The following DDAH1 variants were observed in gnomAD, a reference collection of about 807,000 sequenced individuals.
DDAH1 encodes the protein N(G),N(G)-dimethylarginine dimethylaminohydrolase 1.
In DDAH1, 19 loss-of-function variants were observed where a neutral mutation model predicts 28.8. That is an observed-to-expected ratio of 0.66 (90% CI 0.46 to 0.97). The LOEUF (loss-of-function observed/expected upper bound fraction) is 0.97, where lower values mean the gene tolerates loss of function less well. Ranked by LOEUF, DDAH1 falls within the 50% of genes least tolerant of loss-of-function variation. The pLI, the probability that DDAH1 is intolerant of heterozygous loss-of-function variation, is 0.00. For synonymous variants in DDAH1, 153 were observed against 154.4 expected, an observed-to-expected ratio of 0.99 and a Z score of 0.07; for missense variants, 326 against 375.9, an observed-to-expected ratio of 0.87 and a Z score of 1.10.
chr1:85,457,118 T>G (rs1052233145), intron 1 of DDAH1, among the ~76,000 whole-genome samples: 3 of 152,214 alleles, frequency 2.0e-5, no homozygotes, highest in African/African-American at 7.2e-5. Context: ...TCTGTACCTG[T>G]TTCTTTTGGT....
At chr1:85,433,931 A>T (rs1171729593) in intron 1 of DDAH1, among the ~76,000 whole-genome samples, 2 of 152,178 alleles carry the variant, frequency 1.3e-5, no homozygotes, top group African/African-American at 4.8e-5. Flanking sequence ...ATCTTCAGGT[A>T]ATTATTTATG....
At chr1:85,447,281 T>A (rs1334305783) in intron 1 of DDAH1, among the ~76,000 whole-genome samples, 1 of 152,224 alleles carries the variant, frequency 6.6e-6, no homozygotes, top group Admixed American at 6.5e-5. Flanking sequence ...ATATATCACT[T>A]GGTTGCCTGC....
intron 1 of DDAH1, among the ~76,000 whole-genome samples, chr1:85,563,188 T>G (rs986002914): frequency 1.3e-5 from 2 of 152,106 alleles, no homozygotes; most frequent in Admixed American, 1.3e-4. Context: ...CTAGAGATAA[T>G]GGGCAGAGTG....
chr1:85,544,615 A>G (rs1658564513), intron 1 of DDAH1, among the ~76,000 whole-genome samples: 1 of 152,134 alleles, frequency 6.6e-6, no homozygotes, highest in African/African-American at 2.4e-5. Context: ...ACCTATCTTA[A>G]TCAGACTGAC....
chr1:85,554,014 C>T (rs189253358), intron 1 of DDAH1, among the ~76,000 whole-genome samples: 1 of 152,336 alleles, frequency 6.6e-6, no homozygotes, highest in Admixed American at 6.5e-5. Flanking sequence ...GCTGCTCACA[C>T]AATGTTACAT....
At chr1:85,463,598 G>A (rs534012412) in intron 1 of DDAH1, among the ~76,000 whole-genome samples, 1 of 152,206 alleles carries the variant, frequency 6.6e-6, no homozygotes, top group South Asian at 2.1e-4. Flanking sequence ...ATCTCGATGA[G>A]AAATTAGTAG....
intron 4 of DDAH1, among the ~76,000 whole-genome samples, chr1:85,343,063 A>G (rs1648605933): frequency 6.6e-6 from 1 of 152,202 alleles, no homozygotes; most frequent in South Asian, 2.1e-4. Context: ...CCAACAGATG[A>G]TTACCCCTAC....
intron 2 of DDAH1, among the ~76,000 whole-genome samples, chr1:85,484,398 AT>A (rs1656120981): frequency 6.6e-6 from 1 of 152,112 alleles, no homozygotes; most frequent in South Asian, 2.1e-4. Flanking sequence ...AAAGTGACAG[AT>A]AAGCGGTTTT....
At chr1:85,465,708 G>T (rs147463553), upstream of DDAH1, among the ~76,000 whole-genome samples, 1 of 152,148 alleles carries the variant, frequency 6.6e-6, no homozygotes, top group Non-Finnish European at 1.5e-5. Flanking sequence ...TCACAAAACA[G>T]CATTTGCATA....
chr1:85,380,812 C>G (rs1287972120), intron 1 of DDAH1, among the ~76,000 whole-genome samples: 5 of 152,072 alleles, frequency 3.3e-5, no homozygotes, highest in African/African-American at 1.2e-4. Flanking sequence ...TTAAAGGGTG[C>G]TATCTTAGAC....
At chr1:85,488,849 G>T (rs116334117) in intron 2 of DDAH1, among the ~76,000 whole-genome samples, 1 of 152,166 alleles carries the variant, frequency 6.6e-6, no homozygotes, top group Non-Finnish European at 1.5e-5. Context: ...AGTATTAAAA[G>T]TCAGGCAACA....
At chr1:85,445,082 T>G (rs1250610472) in intron 1 of DDAH1, among the ~76,000 whole-genome samples, 2 of 152,180 alleles carry the variant, frequency 1.3e-5, no homozygotes, top group African/African-American at 2.4e-5. Flanking sequence ...TCAGCCTGTT[T>G]ATATTCTAGC....
intron 1 of DDAH1, among the ~76,000 whole-genome samples, chr1:85,500,142 CTT>C (rs1340537289): frequency 0.038 from 1,761 of 46,934 alleles, 21 homozygotes; most frequent in South Asian, 0.084. Flanking sequence ...TTCTTTCTTT[CTT>C]TCTTTTCTTT....
intron 1 of DDAH1, among the ~76,000 whole-genome samples, chr1:85,459,751 G>A (rs936353235): frequency 3.9e-5 from 6 of 152,206 alleles, no homozygotes; most frequent in African/African-American, 7.2e-5. Flanking sequence ...ATACAATTAC[G>A]CACAAACTGT....
chr1:85,368,590 A>G (rs980714515), intron 1 of DDAH1, among the ~76,000 whole-genome samples: 1 of 152,184 alleles, frequency 6.6e-6, no homozygotes, highest in African/African-American at 2.4e-5. Flanking sequence ...ATAATGATAC[A>G]ATACATGTAT....
intron 1 of DDAH1, among the ~76,000 whole-genome samples, chr1:85,388,218 T>C (rs775816962): frequency 4.6e-5 from 7 of 152,204 alleles, no homozygotes; most frequent in Non-Finnish European, 8.8e-5. Flanking sequence ...GAGATCACAA[T>C]TGTGACTATC....
chr1:85,429,178 C>T lies in DDAH1; in HGVS notation c.303+35565G>A, dbSNP rs889372781. ...TATCCCTCCCCTAGCCTCCCACCCC[C>T]CAGCAGGCCCCTGTGTGTGATGTTC... On this transcript the variant is annotated intron_variant, in intron 1 of 5. Transcript: ENST00000284031. Among the ~76,000 whole-genome samples, 7 of 151,844 alleles carry T rather than the reference C, an allele frequency of 4.6e-5. 2 individuals are homozygous for T. The South Asian group carries it at 1.5e-3, about 32-fold the overall frequency.
intron 1 of DDAH1, among the ~76,000 whole-genome samples, chr1:85,543,548 G>A (rs1324528418): frequency 1.3e-5 from 2 of 152,138 alleles, no homozygotes; most frequent in South Asian, 2.1e-4. Flanking sequence ...TTTCCGCAAT[G>A]GTTTAGACAG....
chr1:85,404,292 T>C, intron 1 of DDAH1: 1 of 1,315,556 alleles, frequency 7.6e-7, no homozygotes, highest in African/African-American at 1.5e-5. Flanking sequence ...TGACCCATTA[T>C]ACATGAAACT....
Sources: gnomAD v4.1 joint callset for allele counts (sites outside exome capture counted in the v4.1 genomes callset) on GRCh38, gnomAD v4.1.1 for gene constraint, MANE v1.5 for transcripts, NCBI Gene and HGNC (gene_info 2026-07-23, HGNC 2026-07-21) for gene names.